The following ATG7 variants were observed in gnomAD, a reference collection of about 807,000 sequenced individuals.
The protein encoded by ATG7 is autophagy related 7.
In ATG7, 70 loss-of-function variants were observed where a neutral mutation model predicts 82.4. The observed-to-expected ratio is 0.85, with a 90% confidence interval of 0.70 to 1.04. The LOEUF (loss-of-function observed/expected upper bound fraction) is 1.04. Among genes scored for constraint, ATG7 ranks in the 50% least tolerant of loss-of-function variants. The pLI is 0.00. For synonymous variants in ATG7, 287 were observed against 313.0 expected (o/e 0.92, Z 0.88); for missense variants, 792 against 864.3 (o/e 0.92, Z 1.05).
At chr3:11,305,226 A>G (rs1018509639) in intron 5 of ATG7, among the ~76,000 whole-genome samples, 1 of 152,218 alleles carries the variant, frequency 6.6e-6, no homozygotes, top group African/African-American at 2.4e-5. Context: ...CCATGGTGGA[A>G]CTTTAGTCAT....
chr3:11,282,365 CTG>C lies in ATG7; in HGVS notation c.-81_-80del, dbSNP rs1186434949. On this transcript the variant is annotated 5_prime_UTR_variant, in exon 3 of 21. It introduces an in-frame stop codon into an upstream open reading frame of the 5' UTR. Transcript: ENST00000693202. ...AGAAGGACAGATAAGAGTTTGAAGACTGTGGATGTGACTGCTTGTTCCCTGGT... is the reference window on the plus strand; with the variant it reads ...AGAAGGACAGATAAGAGTTTGAAGACTGGATGTGACTGCTTGTTCCCTGGT... The C allele has an allele frequency of 1.3e-5, 2 of 152,216 alleles. No homozygotes were observed. Among genetic ancestry groups the C allele is most frequent in the African/African-American group, 4.8e-5 (2 of 41,462 alleles). 9.4% of individuals were successfully genotyped at this position (152,216 alleles called of 1,614,324 possible).
chr3:11,417,815 AT>A (rs372904207), intron 19 of ATG7, among the ~76,000 whole-genome samples: 2,509 of 64,848 alleles, frequency 0.039, 72 homozygotes, highest in African/African-American at 0.1. Flanking sequence ...ATTTTATTTT[AT>A]TTTTTTTTTT....
chr3:11,491,055 C>G (rs1423782295), intron 20 of ATG7, among the ~76,000 whole-genome samples: 1 of 152,160 alleles, frequency 6.6e-6, no homozygotes, highest in African/African-American at 2.4e-5. Context: ...TGAATAATAT[C>G]CTGCAGAGTG....
In ATG7 at chr3:11,340,712, C is replaced by T. The variant is rs745476542; in HGVS notation, c.957C>T (p.Leu319=). 4 of 1,613,718 alleles carry T rather than the reference C, an allele frequency of 2.5e-6. No individual in the cohort carries two copies. The highest frequency in any genetic ancestry group is 3.3e-5 in the Admixed American group (2 of 59,984). The change falls in exon 12 of 21, where the codon CTC becomes CTT. Residue 319 remains leucine, a synonymous_variant. Transcript: ENST00000693202. ...KGGMGPRMVN[L]SECMDPKRLA... ...GCATGGGACCAAGGATGGTGAACCT[C>T]AGTGAATGTATGGACCCTAAAAGGT...
intron 20 of ATG7, among the ~76,000 whole-genome samples, chr3:11,515,194 T>A (rs1375234982): frequency 6.6e-6 from 1 of 152,158 alleles, no homozygotes; most frequent in Non-Finnish European, 1.5e-5. Context: ...AATTTTAGTT[T>A]TAATTCAAGA....
At chr3:11,409,994 T>TA (rs1234871700) in intron 19 of ATG7, among the ~76,000 whole-genome samples, 2 of 152,222 alleles carry the variant, frequency 1.3e-5, no homozygotes, top group African/African-American at 4.8e-5. Context: ...GTCTAGAAGT[T>TA]AGGTAGTGTC....
downstream of ATG7, among the ~76,000 whole-genome samples, chr3:11,560,356 G>A (rs964866337): frequency 9.9e-5 from 15 of 152,190 alleles, no homozygotes; most frequent in East Asian, 3.8e-4. Context: ...CAATACCCCC[G>A]AGGACAAGGT....
chr3:11,517,949 T>C (rs1438506581), intron 20 of ATG7, among the ~76,000 whole-genome samples: 1 of 152,034 alleles, frequency 6.6e-6, no homozygotes. Flanking sequence ...GAGGGATGGA[T>C]TGGGGTGATC....
intron 14 of ATG7, among the ~76,000 whole-genome samples, chr3:11,357,386 C>T (rs961471410): frequency 6.6e-6 from 1 of 152,202 alleles, no homozygotes; most frequent in Non-Finnish European, 1.5e-5. Flanking sequence ...GGTTGATGGA[C>T]AGCTTCTACT....
rs1953404691 is a variant in ATG7 at position 11,340,647 on chromosome 3, T to G, written c.892T>G (p.Cys298Gly). ...CTTTGTGTTTTATTTGCCTTAAGAT[T>G]GTCCTAAAGCAGTTGGATGGGAAAA... ...KLPEMAFSPD[C>G]PKAVGWEKNQ... Residue 298 changes from cysteine (C) to glycine (G), a missense_variant and splice_region_variant, in exon 12 of 21, where the codon TGT (cysteine) becomes GGT (glycine). Transcript: ENST00000693202. 1.2e-6 allele frequency: 2 copies of G among 1,613,026 alleles called. No homozygotes were observed. The highest frequency in any genetic ancestry group is 3.3e-5 in the Admixed American group (2 of 59,944).
At chr3:11,331,977 C>T (rs892360484) in intron 10 of ATG7, among the ~76,000 whole-genome samples, 3 of 152,142 alleles carry the variant, frequency 2.0e-5, no homozygotes, top group Admixed American at 6.5e-5. Context: ...AAATGTTGGG[C>T]AGTATCTACC....
At chr3:11,295,271 T>C (rs1223848750) in intron 3 of ATG7, among the ~76,000 whole-genome samples, 1 of 152,214 alleles carries the variant, frequency 6.6e-6, no homozygotes, top group Non-Finnish European at 1.5e-5. Context: ...GCTTATCAAT[T>C]ATATAGAAAA....
At chr3:11,298,925 T>A in intron 4 of ATG7, 70 bp downstream of exon 4, 1 of 1,533,874 alleles carries the variant, frequency 6.5e-7, no homozygotes, top group Non-Finnish European at 8.9e-7. Flanking sequence ...TAGTGTCAGC[T>A]TTCCTTTAGA....
intron 20 of ATG7, among the ~76,000 whole-genome samples, chr3:11,441,598 A>C (rs1262374853): frequency 6.6e-6 from 1 of 151,530 alleles, no homozygotes; most frequent in Admixed American, 6.6e-5. Flanking sequence ...AACTGTTACA[A>C]GTTTCTGTAC....
chr3:11,423,982 C>G (rs1370192282), intron 19 of ATG7, among the ~76,000 whole-genome samples: 6 of 152,206 alleles, frequency 3.9e-5, no homozygotes, highest in African/African-American at 1.4e-4. Context: ...TTCTCCGACT[C>G]TCTGCACAGC....
intron 20 of ATG7, among the ~76,000 whole-genome samples, chr3:11,545,512 T>C (rs1462358700): frequency 6.6e-6 from 1 of 152,218 alleles, no homozygotes; most frequent in Non-Finnish European, 1.5e-5. Context: ...CTCTGCTCTT[T>C]CCTGCCCCTG....
chr3:11,501,543 A>ATTGCATTGATG (rs375326243), intron 20 of ATG7, among the ~76,000 whole-genome samples: 127,111 of 152,042 alleles, frequency 0.84, 53,294 homozygotes, highest in East Asian at 1. Context: ...AGATAATGAT[A>ATTGCATTGATG]TTAATAGATA....
At chr3:11,301,871 T>G (rs1325814483) in intron 5 of ATG7, among the ~76,000 whole-genome samples, 1 of 152,246 alleles carries the variant, frequency 6.6e-6, no homozygotes, top group Non-Finnish European at 1.5e-5. Flanking sequence ...AAGGTTTTAA[T>G]AATTTTATTC....
chr3:11,341,320 A>G (rs1205254011), intron 12 of ATG7, among the ~76,000 whole-genome samples: 3 of 151,948 alleles, frequency 2.0e-5, no homozygotes, highest in African/African-American at 7.3e-5. Flanking sequence ...TCGGCCTCCC[A>G]AAGTGCTGGG....
Sources: gnomAD v4.1 joint callset for allele counts (sites outside exome capture counted in the v4.1 genomes callset) on GRCh38, gnomAD v4.1.1 for gene constraint, MANE v1.5 for transcripts, NCBI Gene and HGNC (gene_info 2026-07-23, HGNC 2026-07-21) for gene names.